AGBL3: variants seen among roughly 807,000 people sequenced by gnomAD.
AGBL3 encodes the protein cytosolic carboxypeptidase 3.
A neutral mutation model predicts 94.5 loss-of-function variants in AGBL3; 68 were observed. The ratio of observed to expected loss-of-function variants is 0.72; its 90% confidence interval spans 0.59 to 0.88. The LOEUF is 0.88. Among genes scored for constraint, AGBL3 ranks in the 40% least tolerant of loss-of-function variants. The pLI, the probability that AGBL3 is intolerant of heterozygous loss-of-function variation, is 0.00. For missense variants in AGBL3, 934 were observed against 1,103.8 expected, an observed-to-expected ratio of 0.85 and a Z score of 2.18; for synonymous variants, 354 against 370.7, an observed-to-expected ratio of 0.95 and a Z score of 0.52.
At chr7:135,054,224 G>C (rs1037863016) in intron 11 of AGBL3, among the ~76,000 whole-genome samples, 10 of 152,120 alleles carry the variant, frequency 6.6e-5, no homozygotes, top group Non-Finnish European at 1.5e-5. Context: ...ATCTAACACA[G>C]AAATAAAGAT....
chr7:135,074,719 C>T (rs994234475), intron 12 of AGBL3, among the ~76,000 whole-genome samples: 9 of 152,086 alleles, frequency 5.9e-5, no homozygotes, highest in Admixed American at 3.9e-4. Context: ...TTATGTATAT[C>T]AGGACACTCA....
intron 16 of AGBL3, 78 bp downstream of exon 16, chr7:135,115,689 C>A: frequency 8.2e-7 from 1 of 1,221,556 alleles, no homozygotes; most frequent in Non-Finnish European, 1.1e-6. Context: ...AATTTATTAT[C>A]CTACGAAAAA....
chr7:135,111,338 T>C (rs1585180253), intron 15 of AGBL3, among the ~76,000 whole-genome samples: 1 of 152,328 alleles, frequency 6.6e-6, no homozygotes, highest in East Asian at 1.9e-4. Context: ...ACTTGTATAC[T>C]TCTCAACCTA....
At chr7:135,020,555 C>T (rs1390832169) in intron 5 of AGBL3, among the ~76,000 whole-genome samples, 1 of 152,162 alleles carries the variant, frequency 6.6e-6, no homozygotes, top group African/African-American at 2.4e-5. Context: ...GATCCCGTTA[C>T]TGGGTATATA....
At chr7:135,093,080 T>C (rs143079155) in intron 15 of AGBL3, 1 of 151,562 alleles carries the variant, frequency 6.6e-6, no homozygotes, top group Non-Finnish European at 1.5e-5. Context: ...GCTAATGTCA[T>C]AGTTGGTAGT....
chr7:135,007,495 A>G (rs1812542011), intron 4 of AGBL3, among the ~76,000 whole-genome samples: 1 of 151,968 alleles, frequency 6.6e-6, no homozygotes, highest in South Asian at 2.1e-4. Context: ...TTTCATGACA[A>G]AAACACTCAC....
chr7:135,055,448 C>A (rs8180748), intron 11 of AGBL3, among the ~76,000 whole-genome samples: 67,176 of 151,976 alleles, frequency 0.44, 15,500 homozygotes, highest in East Asian at 0.78. Flanking sequence ...CCCTCTACTT[C>A]GTTAGCTGAG....
intron 15 of AGBL3, among the ~76,000 whole-genome samples, chr7:135,097,204 G>A (rs548550943): frequency 1.3e-5 from 2 of 152,198 alleles, no homozygotes; most frequent in South Asian, 4.1e-4. Context: ...AAAATATCCC[G>A]TCGGTCAACA....
intron 12 of AGBL3, among the ~76,000 whole-genome samples, chr7:135,067,493 A>G (rs1458332108): frequency 6.6e-6 from 1 of 152,200 alleles, no homozygotes; most frequent in Non-Finnish European, 1.5e-5. Context: ...ACCCCCCAGT[A>G]GGGGCAGACT....
At chr7:135,130,632 C>A (rs1204655445) in intron 16 of AGBL3, among the ~76,000 whole-genome samples, 1 of 151,726 alleles carries the variant, frequency 6.6e-6, no homozygotes, top group Admixed American at 6.6e-5. Flanking sequence ...TCATATTATT[C>A]ATATATTCAT....
At chr7:135,107,095 T>C (rs573431563) in intron 15 of AGBL3, among the ~76,000 whole-genome samples, 3 of 152,272 alleles carry the variant, frequency 2.0e-5, no homozygotes, top group African/African-American at 7.2e-5. Context: ...TTGGATCTTC[T>C]CTCTTTTCTT....
intron 15 of AGBL3, among the ~76,000 whole-genome samples, chr7:135,110,346 C>T (rs995616724): frequency 2.0e-5 from 3 of 152,334 alleles, no homozygotes; most frequent in Admixed American, 2.0e-4. Context: ...TAACTTCCCA[C>T]TTTGCTGGAG....
At chr7:135,099,063 A>G (rs1177099085) in intron 15 of AGBL3, among the ~76,000 whole-genome samples, 1 of 152,204 alleles carries the variant, frequency 6.6e-6, no homozygotes, top group Non-Finnish European at 1.5e-5. Flanking sequence ...ATGTAACAGC[A>G]AAGTAAATAA....
chr7:135,044,032 T>C lies in AGBL3; in HGVS notation c.1508T>C (p.Phe503Ser). 1 of 1,548,216 alleles carries C rather than the reference T, an allele frequency of 6.5e-7. No homozygotes were observed. The highest frequency in any genetic ancestry group is 8.7e-7 in the Non-Finnish European group (1 of 1,144,664). ...TTATTTGCTGCTTTTCAGTTTTCAT[T>C]CTCAGCTTGCAAGTTTAATGTCCAG... ...LSKNCPDKFS[F>S]SACKFNVQKS... The change falls in exon 9 of 17, where the codon TTC becomes TCC. Residue 503 changes from phenylalanine (F) to serine (S), a missense_variant. Physicochemically the swap from Phe to Ser is radical, Grantham distance 155 (BLOSUM62 -2). Transcript: ENST00000436302.
intron 11 of AGBL3, among the ~76,000 whole-genome samples, chr7:135,046,647 A>G (rs1321281581): frequency 6.6e-6 from 1 of 152,036 alleles, no homozygotes; most frequent in Non-Finnish European, 1.5e-5. Flanking sequence ...TTCGTGGCTT[A>G]AAAGCTCATT....
intron 16 of AGBL3, among the ~76,000 whole-genome samples, chr7:135,125,885 G>A (rs1399673268): frequency 6.6e-6 from 1 of 152,116 alleles, no homozygotes; most frequent in African/African-American, 2.4e-5. Context: ...GGTATTGATG[G>A]AACATATCTC....
At chr7:135,037,655 G>T in intron 8 of AGBL3, 75 bp downstream of exon 8, 1 of 1,254,050 alleles carries the variant, frequency 8.0e-7, no homozygotes, top group Non-Finnish European at 1.1e-6. Flanking sequence ...GGCCCACGTG[G>T]ATAATACTAT....
In AGBL3 at chr7:135,134,116, T is replaced by C. The variant is rs536857035; in HGVS notation, c.2343-725T>C. Among the ~76,000 whole-genome samples the C allele has an allele frequency of 2.0e-5, 3 of 152,146 alleles. No individual in the cohort carries two copies. The South Asian group carries it at 6.2e-4, about 32-fold the overall frequency. On this transcript the variant is annotated intron_variant, in intron 16 of 16. Transcript: ENST00000436302. The stretch of plus-strand genomic sequence containing the variant: ...AAGCAGGTACTACAAGAGGGCAACA[T>C]GGGGGCAGTGTTCTCTATCTTGACT...
chr7:135,074,224 G>T (rs185345421), intron 12 of AGBL3, among the ~76,000 whole-genome samples: 1 of 152,076 alleles, frequency 6.6e-6, no homozygotes, highest in African/African-American at 2.4e-5. Context: ...CCTCAATAAA[G>T]CTAGAGGGAA....
Sources: allele counts gnomAD v4.1 joint callset (sites outside exome capture counted in the v4.1 genomes callset), GRCh38; gene constraint gnomAD v4.1.1; transcripts MANE v1.5; gene names NCBI Gene and HGNC (gene_info 2026-07-23, HGNC 2026-07-21).